DPP6: variants seen among roughly 807,000 people sequenced by gnomAD.
DPP6 encodes dipeptidyl peptidase like 6.
In DPP6, 69 loss-of-function variants were observed where a neutral mutation model predicts 122.6. The observed-to-expected ratio is 0.56, with a 90% CI of 0.46 to 0.69. The LOEUF is 0.69. Among genes scored for constraint, DPP6 ranks in the 30% least tolerant of loss-of-function variants. DPP6 has a pLI of 0.00. For synonymous variants in DPP6, 418 were observed against 433.1 expected (o/e 0.97, Z 0.43); for missense variants, 928 against 1,116.9 (o/e 0.83, Z 2.41).
intron 1 of DPP6, among the ~76,000 whole-genome samples, chr7:154,329,992 C>T (rs1266430339): frequency 1.3e-5 from 2 of 151,970 alleles, no homozygotes; most frequent in Admixed American, 6.6e-5. Context: ...AACACATGGA[C>T]GACACAGGGA....
chr7:154,738,868 C>A (rs1842690987), intron 8 of DPP6, among the ~76,000 whole-genome samples: 1 of 152,204 alleles, frequency 6.6e-6, no homozygotes, highest in South Asian at 2.1e-4. Context: ...CAGGCTAGGT[C>A]CTGCTGTGGG....
intron 7 of DPP6, among the ~76,000 whole-genome samples, chr7:154,713,920 C>G (rs1020174773): frequency 6.6e-6 from 1 of 152,166 alleles, no homozygotes; most frequent in Non-Finnish European, 1.5e-5. Flanking sequence ...GGCAAATTTT[C>G]TAAACTTTTA....
At chr7:154,851,877 G>T (rs1802410979) in intron 16 of DPP6, among the ~76,000 whole-genome samples, 1 of 152,146 alleles carries the variant, frequency 6.6e-6, no homozygotes, top group South Asian at 2.1e-4. Context: ...TGGGGAAAAG[G>T]GCCCTGGACT....
the DPP6 span, among the ~76,000 whole-genome samples, chr7:153,811,795 G>A: frequency 6.6e-6 from 1 of 152,172 alleles, no homozygotes; most frequent in Non-Finnish European, 1.5e-5. Flanking sequence ...TGTGTTTTTG[G>A]TGGGACTCTC....
At chr7:154,449,499 G>A (rs77207147) in intron 2 of DPP6, among the ~76,000 whole-genome samples, 24,084 of 152,086 alleles carry the variant, frequency 0.16, 2,705 homozygotes, top group African/African-American at 0.32. Flanking sequence ...AAGATAAATT[G>A]TGTGGCCTCT....
chr7:153,896,398 TTAA>T (rs1799416621), intron 1 of DPP6, among the ~76,000 whole-genome samples: 1 of 152,130 alleles, frequency 6.6e-6, no homozygotes. Flanking sequence ...GAAGTGAGAA[TTAA>T]TAATTTTCAA....
intron 1 of DPP6, among the ~76,000 whole-genome samples, chr7:154,203,676 C>A (rs1454399863): frequency 6.6e-6 from 1 of 152,192 alleles, no homozygotes; most frequent in East Asian, 1.9e-4. Context: ...GAGGAAATAG[C>A]TGCAACCAAA....
chr7:154,580,168 CACACACAT>C (rs1831961159), intron 5 of DPP6, among the ~76,000 whole-genome samples: 2 of 148,952 alleles, frequency 1.3e-5, no homozygotes, highest in East Asian at 2.0e-4. Flanking sequence ...CACACACACA[CACACACAT>C]GCACACATAC....
At chr7:154,745,914 C>A (rs1326697360) in intron 8 of DPP6, among the ~76,000 whole-genome samples, 1 of 152,088 alleles carries the variant, frequency 6.6e-6, no homozygotes, top group Non-Finnish European at 1.5e-5. Context: ...CCCACTAGAC[C>A]CCACCTCCAA....
At chr7:154,193,419 C>A (rs1024191811) in intron 1 of DPP6, among the ~76,000 whole-genome samples, 2 of 152,148 alleles carry the variant, frequency 1.3e-5, no homozygotes, top group African/African-American at 4.8e-5. Context: ...CCCATTTGGG[C>A]AAAGAGTAAA....
chr7:154,425,581 T>G (rs1158179575), intron 1 of DPP6, among the ~76,000 whole-genome samples: 3 of 151,324 alleles, frequency 2.0e-5, no homozygotes, highest in Non-Finnish European at 2.9e-5. Context: ...TTCTTCTGTT[T>G]ATAGGTTAGT....
intron 1 of DPP6, among the ~76,000 whole-genome samples, chr7:154,056,638 T>C (rs1800838779): frequency 1.3e-5 from 2 of 152,176 alleles, no homozygotes; most frequent in Non-Finnish European, 2.9e-5. Context: ...AGCAGCAAAT[T>C]GGTTAAAACT....
At chr7:154,238,353 G>T (rs2150867154) in intron 1 of DPP6, among the ~76,000 whole-genome samples, 1 of 152,284 alleles carries the variant, frequency 6.6e-6, no homozygotes, top group Admixed American at 6.5e-5. Context: ...ATATTAAAGA[G>T]TAAGATGTAT....
intron 8 of DPP6, among the ~76,000 whole-genome samples, chr7:154,746,975 G>A (rs1843063551): frequency 6.6e-6 from 1 of 152,188 alleles, no homozygotes; most frequent in Non-Finnish European, 1.5e-5. Flanking sequence ...CAGGGCTGAG[G>A]GGACCATTCG....
chr7:154,550,146 A>C (rs1312013661), intron 4 of DPP6, among the ~76,000 whole-genome samples: 1 of 152,218 alleles, frequency 6.6e-6, no homozygotes, highest in East Asian at 1.9e-4. Context: ...TATTTTTAAC[A>C]GTTTACCTGG....
chr7:153,793,466 A>G, the DPP6 span, among the ~76,000 whole-genome samples: 1 of 141,394 alleles, frequency 7.1e-6, no homozygotes, highest in Non-Finnish European at 1.6e-5. Context: ...ATTTCTAAGC[A>G]GCAAAACATT....
chr7:154,082,039 G>T (rs988232901), intron 1 of DPP6, among the ~76,000 whole-genome samples: 1 of 152,112 alleles, frequency 6.6e-6, no homozygotes, highest in African/African-American at 2.4e-5. Context: ...TGTGTGGTCT[G>T]CTTGGAGGAC....
At chr7:153,791,146 G>A in the DPP6 span, among the ~76,000 whole-genome samples, 5 of 152,136 alleles carry the variant, frequency 3.3e-5, no homozygotes, top group Non-Finnish European at 7.3e-5. Context: ...TTGTTGCCGT[G>A]TATTTTTGTT....
At chr7:154,823,877 C>G (rs930657776) in intron 16 of DPP6, among the ~76,000 whole-genome samples, 5 of 152,184 alleles carry the variant, frequency 3.3e-5, no homozygotes, top group Admixed American at 3.3e-4. Flanking sequence ...TCTCTCTGCT[C>G]CATGCAGTGG....
Sources: gnomAD v4.1 joint callset for allele counts (sites outside exome capture counted in the v4.1 genomes callset) on GRCh38, gnomAD v4.1.1 for gene constraint, MANE v1.5 for transcripts, NCBI Gene and HGNC (gene_info 2026-07-23, HGNC 2026-07-21) for gene names.